CTSC: variants seen among roughly 807,000 people sequenced by gnomAD.
CTSC encodes dipeptidyl peptidase 1.
Under a neutral mutation model 40.9 loss-of-function variants are expected in CTSC, and 37 were observed. That is an observed-to-expected ratio of 0.91 (90% confidence interval 0.70 to 1.19). The LOEUF (loss-of-function observed/expected upper bound fraction) is 1.19, where lower values mean the gene tolerates loss of function less well. Among genes scored for constraint, CTSC ranks in the 50% most tolerant of loss-of-function variants. The pLI is 0.00. For synonymous variants in CTSC, 232 were observed against 207.4 expected (o/e 1.12, Z -1.02); for missense variants, 594 against 567.3 (o/e 1.05, Z -0.48).
intron 2 of CTSC, chr11:88,326,126 A>G: frequency 7.7e-7 from 1 of 1,304,732 alleles, no homozygotes; most frequent in Non-Finnish European, 9.7e-7. Context: ...TGAACGGTGA[A>G]GCCACCCAAG....
At chr11:88,337,478 G>A (rs1431006695) in intron 1 of CTSC, 23 bp downstream of exon 1, 4 of 1,559,342 alleles carry the variant, frequency 2.6e-6, no homozygotes, top group South Asian at 1.2e-5. Context: ...ACGACCCGGA[G>A]GACTGCCGAG....
chr11:88,333,615 C>T (rs1268332115), intron 2 of CTSC, among the ~76,000 whole-genome samples: 1 of 152,080 alleles, frequency 6.6e-6, no homozygotes, highest in Non-Finnish European at 1.5e-5. Flanking sequence ...AACGTATACA[C>T]CAAAGATTAT....
intron 2 of CTSC, among the ~76,000 whole-genome samples, chr11:88,316,518 T>C (rs1179557975): frequency 1.7e-5 from 2 of 114,694 alleles, no homozygotes; most frequent in Admixed American, 9.3e-5. Flanking sequence ...GCAGGGATGA[T>C]AATTACAGAC....
chr11:88,298,211 T>C (rs1012214046), intron 5 of CTSC: 2 of 152,164 alleles, frequency 1.3e-5, no homozygotes, highest in African/African-American at 4.8e-5. Context: ...ACTCTGTATT[T>C]CCTAATTAAT....
chr11:88,297,088 T>C (rs900395096), intron 5 of CTSC: 4 of 152,244 alleles, frequency 2.6e-5, no homozygotes, highest in East Asian at 1.9e-4. Context: ...ACACAGCTAA[T>C]AGATAGCAGG....
At chr11:88,298,903 C>T (rs1437692263) in intron 5 of CTSC, 1 of 152,130 alleles carries the variant, frequency 6.6e-6, no homozygotes, top group Non-Finnish European at 1.5e-5. Flanking sequence ...ACTTGTCAAT[C>T]ATTTCTTTTG....
At position 88,332,732 on chromosome 11, in the gene CTSC, A is replaced by G. The variant is rs546717526; in HGVS notation, c.318+2205T>C. The stretch of plus-strand genomic sequence containing the variant: ...TGATTTTTCTGCAGAAAAAGAAAAC[A>G]TGGCCCTGATAATGGTTTTGTCAAA... On this transcript the variant is annotated intron_variant, in intron 2 of 6. Transcript: ENST00000227266. Among the ~76,000 whole-genome samples, 6 of 152,340 alleles carry G rather than the reference A, an allele frequency of 3.9e-5. No homozygotes were observed. In the South Asian group the frequency reaches 1.2e-3, roughly 32 times the overall value.
At chr11:88,316,539 G>A (rs1937883056) in intron 2 of CTSC, among the ~76,000 whole-genome samples, 1 of 151,102 alleles carries the variant, frequency 6.6e-6, no homozygotes, top group Admixed American at 6.6e-5. Context: ...TATATCTCAT[G>A]GGCTGTGTTT....
intron 4 of CTSC, among the ~76,000 whole-genome samples, chr11:88,305,049 G>T (rs1937618693): frequency 6.6e-6 from 1 of 150,618 alleles, no homozygotes; most frequent in South Asian, 2.1e-4. Flanking sequence ...AGTGAGCCAA[G>T]ATTGCTTTAC....
chr11:88,309,703 AT>A (rs1302398004), intron 3 of CTSC, among the ~76,000 whole-genome samples: 11 of 152,078 alleles, frequency 7.2e-5, no homozygotes, highest in African/African-American at 2.7e-4. Flanking sequence ...ATGAGAAGAT[AT>A]CAAAGTTTAT....
At chr11:88,296,741 C>A (rs1006078954) in intron 5 of CTSC, 3 of 221,018 alleles carry the variant, frequency 1.4e-5, no homozygotes, top group African/African-American at 4.7e-5. Context: ...AAGTGATGGT[C>A]TTAGGAGGTG....
intron 2 of CTSC, among the ~76,000 whole-genome samples, chr11:88,318,067 A>AT (rs1166305364): frequency 6.6e-6 from 1 of 152,156 alleles, no homozygotes; most frequent in East Asian, 1.9e-4. Flanking sequence ...AACTGAAGTT[A>AT]TTTATCTTGG....
intron 2 of CTSC, chr11:88,324,720 C>T: frequency 1.0e-6 from 1 of 985,254 alleles, no homozygotes; most frequent in Non-Finnish European, 1.2e-6. Context: ...CTGCGATATG[C>T]AATGGGAACC....
At chr11:88,301,107 T>A (rs1441428764) in intron 4 of CTSC, among the ~76,000 whole-genome samples, 1 of 151,870 alleles carries the variant, frequency 6.6e-6, no homozygotes, top group African/African-American at 2.4e-5. Context: ...GAAAAAAGGG[T>A]CTATGTGAGG....
intron 2 of CTSC, chr11:88,322,905 C>T (rs1268051255): frequency 1.3e-5 from 2 of 152,164 alleles, no homozygotes; most frequent in African/African-American, 4.8e-5. Context: ...GGGACTCCTC[C>T]CTAACTCATT....
intron 2 of CTSC, among the ~76,000 whole-genome samples, chr11:88,330,187 G>C (rs897699701): frequency 6.6e-6 from 1 of 152,120 alleles, no homozygotes; most frequent in Non-Finnish European, 1.5e-5. Flanking sequence ...ATGCCTCTAA[G>C]ACTGTTTCCA....
rs376894756 is a variant in CTSC at position 88,330,468 on chromosome 11, C to A, written c.318+4469G>T. Among the ~76,000 whole-genome samples, 30 of 152,166 alleles carry A rather than the reference C, an allele frequency of 2.0e-4. No homozygotes were observed. The South Asian group carries it at 6.2e-3, about 32-fold the overall frequency. On this transcript the variant is annotated intron_variant, in intron 2 of 6. Coordinates refer to ENST00000227266, the MANE Select transcript of CTSC (RefSeq NM_001814.6). The stretch of plus-strand genomic sequence containing the variant: ...GGTTCAAGCAATTCTCCTGCCTCAG[C>A]CTCCTGAATAGCTGGGATTACAGGC...
At chr11:88,318,495 T>C (rs1261606851) in intron 2 of CTSC, among the ~76,000 whole-genome samples, 5 of 152,242 alleles carry the variant, frequency 3.3e-5, no homozygotes, top group Non-Finnish European at 5.9e-5. Flanking sequence ...ATAGAACTTA[T>C]ATTCTATCCA....
At chr11:88,326,542 T>C in intron 2 of CTSC, 1 of 725,140 alleles carries the variant, frequency 1.4e-6, no homozygotes, top group Middle Eastern at 3.8e-4. Context: ...AAAAAAAAAA[T>C]ACCAGCACTG....
Sources: allele counts gnomAD v4.1 joint callset (sites outside exome capture counted in the v4.1 genomes callset), GRCh38; gene constraint gnomAD v4.1.1; transcripts MANE v1.5; gene names NCBI Gene and HGNC (gene_info 2026-07-23, HGNC 2026-07-21).